Variants in LRFN2 observed in about 807,000 individuals in gnomAD.
LRFN2 encodes the protein leucine-rich repeat and fibronectin type-III domain-containing protein 2.
Under a neutral mutation model 37.3 loss-of-function variants are expected in LRFN2, and 18 were observed. The ratio of observed to expected loss-of-function variants is 0.48; its 90% confidence interval spans 0.33 to 0.72. The LOEUF (loss-of-function observed/expected upper bound fraction) is 0.72. Among genes scored for constraint, LRFN2 ranks in the 30% least tolerant of loss-of-function variants. The probability of loss-of-function intolerance (pLI) is 0.02; values close to 1 mark genes in which losing one functional copy is unlikely to be tolerated. For synonymous variants in LRFN2, 556 were observed against 466.6 expected, an observed-to-expected ratio of 1.19 and a Z score of -2.47; for missense variants, 1,006 against 1,060.7, an observed-to-expected ratio of 0.95 and a Z score of 0.72.
intron 2 of LRFN2, among the ~76,000 whole-genome samples, chr6:40,398,931 C>T (rs36084479): frequency 0.26 from 39,465 of 151,630 alleles, 5,997 homozygotes; most frequent in Non-Finnish European, 0.3. Context: ...TGTGGGCTCT[C>T]GAATCTGTTC....
chr6:40,493,349 C>G (rs1403992292), intron 1 of LRFN2, among the ~76,000 whole-genome samples: 2 of 152,186 alleles, frequency 1.3e-5, no homozygotes, highest in African/African-American at 2.4e-5. Context: ...GGAAATGGCA[C>G]TTGTCTAATG....
intron 2 of LRFN2, among the ~76,000 whole-genome samples, chr6:40,401,591 C>T (rs1433341095): frequency 6.6e-6 from 1 of 152,160 alleles, no homozygotes; most frequent in Non-Finnish European, 1.5e-5. Context: ...GTTGCCTCCC[C>T]TGACTAACAG....
chr6:40,500,883 T>C (rs1297043326), intron 1 of LRFN2, among the ~76,000 whole-genome samples: 1 of 151,938 alleles, frequency 6.6e-6, no homozygotes. Context: ...GCCTACTGTG[T>C]TATCCTTGAA....
intron 2 of LRFN2, 112 bp from the exon 3 acceptor site, chr6:40,393,024 G>A: frequency 1.3e-6 from 1 of 763,198 alleles, no homozygotes; most frequent in Non-Finnish European, 2.1e-6. Context: ...GGGGAGGGGA[G>A]GGAGGCCAAG....
chr6:40,558,783 A>T (rs1407616429), intron 1 of LRFN2, among the ~76,000 whole-genome samples: 1 of 152,232 alleles, frequency 6.6e-6, no homozygotes, highest in African/African-American at 2.4e-5. Flanking sequence ...CTGTGAGGTT[A>T]ACGTTATTAG....
intron 1 of LRFN2, among the ~76,000 whole-genome samples, chr6:40,574,039 G>C (rs764452917): frequency 1.3e-5 from 2 of 152,144 alleles, no homozygotes; most frequent in Admixed American, 6.5e-5. Context: ...AGGCGAATTC[G>C]GACAGGTGGT....
chr6:40,557,795 C>T (rs897293010), intron 1 of LRFN2, among the ~76,000 whole-genome samples: 15 of 152,282 alleles, frequency 9.9e-5, no homozygotes, highest in African/African-American at 3.4e-4. Flanking sequence ...GCACCTATGT[C>T]ATAAGATCCT....
At chr6:40,510,721 G>T (rs1054412616) in intron 1 of LRFN2, among the ~76,000 whole-genome samples, 1 of 152,228 alleles carries the variant, frequency 6.6e-6, no homozygotes, top group African/African-American at 2.4e-5. Context: ...AAGCAGGGCC[G>T]AGGAGACAGG....
intron 1 of LRFN2, among the ~76,000 whole-genome samples, chr6:40,546,906 T>C (rs956905216): frequency 3.3e-5 from 5 of 152,200 alleles, no homozygotes; most frequent in African/African-American, 1.2e-4. Flanking sequence ...TCTGCACTAT[T>C]TTTACCCTTC....
chr6:40,518,393 G>T (rs1486226782), intron 1 of LRFN2, among the ~76,000 whole-genome samples: 1 of 152,196 alleles, frequency 6.6e-6, no homozygotes, highest in African/African-American at 2.4e-5. Flanking sequence ...GAGGTATAGA[G>T]GATTAAGTAA....
chr6:40,448,626 C>T (rs1330743178), intron 1 of LRFN2, among the ~76,000 whole-genome samples: 3 of 152,226 alleles, frequency 2.0e-5, no homozygotes, highest in Non-Finnish European at 2.9e-5. Flanking sequence ...TCTACACTGC[C>T]TTTACCAAAG....
At chr6:40,442,565 C>T (rs996119241) in intron 1 of LRFN2, among the ~76,000 whole-genome samples, 4 of 151,584 alleles carry the variant, frequency 2.6e-5, no homozygotes, top group Non-Finnish European at 4.4e-5. Context: ...AGGACGGGGC[C>T]GCGTCTCCCC....
chr6:40,482,597 A>G (rs1764858446), intron 1 of LRFN2, among the ~76,000 whole-genome samples: 1 of 152,124 alleles, frequency 6.6e-6, no homozygotes. Context: ...TTTCTTTTTC[A>G]AAGATGTCCC....
intron 2 of LRFN2, among the ~76,000 whole-genome samples, chr6:40,414,944 G>T (rs964079915): frequency 2.6e-5 from 4 of 152,308 alleles, no homozygotes; most frequent in Non-Finnish European, 5.9e-5. Flanking sequence ...ACTAGGGAGA[G>T]CTGAGGCTGC....
At chr6:40,418,977 C>A (rs1443491997) in intron 2 of LRFN2, among the ~76,000 whole-genome samples, 1 of 152,130 alleles carries the variant, frequency 6.6e-6, no homozygotes, top group African/African-American at 2.4e-5. Context: ...ATCAGCATCC[C>A]GGAGAGAATG....
chr6:40,572,929 T>C (rs1165287291), intron 1 of LRFN2, among the ~76,000 whole-genome samples: 1 of 152,164 alleles, frequency 6.6e-6, no homozygotes, highest in Non-Finnish European at 1.5e-5. Context: ...AATAGAATAT[T>C]GGAGCCAAAG....
At chr6:40,585,183 A>G (rs1381759082) in intron 1 of LRFN2, among the ~76,000 whole-genome samples, 2 of 152,210 alleles carry the variant, frequency 1.3e-5, no homozygotes, top group African/African-American at 2.4e-5. Flanking sequence ...AGAAATGCCA[A>G]GTTTGCTGTT....
chr6:40,405,868 G>A (rs745712224), intron 2 of LRFN2, among the ~76,000 whole-genome samples: 2 of 152,192 alleles, frequency 1.3e-5, no homozygotes, highest in African/African-American at 4.8e-5. Context: ...TCTCCCCAGC[G>A]TTAGGCCTTA....
intron 1 of LRFN2, among the ~76,000 whole-genome samples, chr6:40,504,778 C>T (rs748097445): frequency 3.3e-5 from 5 of 152,114 alleles, no homozygotes; most frequent in East Asian, 1.9e-4. Context: ...AAAGCTCTTT[C>T]GTATACAGAA....
Sources: gnomAD v4.1 joint callset for allele counts (sites outside exome capture counted in the v4.1 genomes callset) on GRCh38, gnomAD v4.1.1 for gene constraint, MANE v1.5 for transcripts, NCBI Gene and HGNC (gene_info 2026-07-23, HGNC 2026-07-21) for gene names.